Variants in TSHZ3 observed in about 807,000 individuals in gnomAD.
TSHZ3 encodes the protein teashirt homolog 3.
A neutral mutation model predicts 64.5 loss-of-function variants in TSHZ3; 10 were observed. The ratio of observed to expected loss-of-function variants is 0.16; its 90% CI spans 0.10 to 0.26. The LOEUF is 0.26. Ranked by LOEUF, TSHZ3 falls within the 10% of genes least tolerant of loss-of-function variation. TSHZ3 has a pLI of 1.00. For synonymous variants in TSHZ3, 608 were observed against 593.1 expected (o/e 1.03, Z -0.36); for missense variants, 1,242 against 1,421.7 (o/e 0.87, Z 2.03).
intron 4 of TSHZ3, among the ~76,000 whole-genome samples, chr19:31,207,996 G>A (rs1053354214): frequency 1.3e-5 from 2 of 152,124 alleles, no homozygotes; most frequent in Admixed American, 6.5e-5. Context: ...TAAGTGCAAC[G>A]AATGACTGCC....
intron 5 of TSHZ3, among the ~76,000 whole-genome samples, chr19:31,192,695 A>G (rs1224676832): frequency 3.3e-5 from 5 of 152,134 alleles, no homozygotes; most frequent in African/African-American, 7.2e-5. Flanking sequence ...TCCACCACCT[A>G]TGTAAACTGC....
intron 4 of TSHZ3, among the ~76,000 whole-genome samples, chr19:31,210,007 T>C (rs1381852562): frequency 6.6e-6 from 1 of 151,778 alleles, no homozygotes; most frequent in African/African-American, 2.4e-5. Context: ...TTGAAGGAGG[T>C]AACAAGGCAT....
chr19:31,346,855 T>TC (rs1353324143), intron 1 of TSHZ3, among the ~76,000 whole-genome samples: 1 of 151,512 alleles, frequency 6.6e-6, no homozygotes, highest in Non-Finnish European at 1.5e-5. Context: ...TTTTTTTTTT[T>TC]CTCTCCACTC....
At chr19:31,331,004 C>T (rs975209225) in intron 1 of TSHZ3, among the ~76,000 whole-genome samples, 9 of 152,324 alleles carry the variant, frequency 5.9e-5, no homozygotes, top group East Asian at 3.9e-4. Flanking sequence ...CTAGCAAAGA[C>T]GGGCTTCCTA....
At chr19:31,245,182 C>T (rs937052840) in intron 1 of TSHZ3, among the ~76,000 whole-genome samples, 5 of 152,050 alleles carry the variant, frequency 3.3e-5, no homozygotes, top group South Asian at 4.2e-4. Context: ...ATCTTACTTA[C>T]GAAAAAATGT....
At chr19:31,195,775 A>G (rs1974980701) in intron 5 of TSHZ3, 1 of 151,952 alleles carries the variant, frequency 6.6e-6, no homozygotes, top group African/African-American at 2.4e-5. Flanking sequence ...AATGTATTTG[A>G]TTATGTATGT....
At chr19:31,188,712 T>C (rs1974853354) in intron 5 of TSHZ3, among the ~76,000 whole-genome samples, 1 of 151,946 alleles carries the variant, frequency 6.6e-6, no homozygotes, top group Non-Finnish European at 1.5e-5. Flanking sequence ...GTTAAGAATG[T>C]TTGCATTTAA....
chr19:31,278,823 C>A lies in TSHZ3; in HGVS notation c.970G>T (p.Ala324Ser). 1 of 1,614,142 alleles carries A rather than the reference C, an allele frequency of 6.2e-7. No individual in the cohort carries two copies. The highest frequency in any genetic ancestry group is 1.1e-5 in the South Asian group (1 of 91,076). Residue 324 changes from alanine to serine, a missense_variant, in exon 2 of 2, where the codon GCT becomes TCT. This residue lies in a region of TSHZ3 where 555 missense variants were observed against 704.0 expected (regional missense o/e 0.79). Coordinates refer to ENST00000240587, the MANE Select transcript of TSHZ3 (RefSeq NM_020856.4). This position sits in a 1 kb window ranked among gnomAD's most constrained non-coding sequence, Gnocchi z 4.7. The stretch of plus-strand genomic sequence containing the variant: ...CTGGGGAGCTCCAGCTCCAGGGAAG[C>A]TTTCTTCCGAGTGGCAGGGATGATT... ...AKIIPATRKK[A>S]SLELELPSSP...
At chr19:31,299,540 T>C (rs1976720033) in intron 1 of TSHZ3, among the ~76,000 whole-genome samples, 1 of 152,196 alleles carries the variant, frequency 6.6e-6, no homozygotes, top group African/African-American at 2.4e-5. Flanking sequence ...GGCCGCTTTC[T>C]GGATGTAGCA....
intron 1 of TSHZ3, among the ~76,000 whole-genome samples, chr19:31,330,624 A>G (rs1404543119): frequency 6.6e-6 from 1 of 150,636 alleles, no homozygotes; most frequent in Admixed American, 6.6e-5. Flanking sequence ...GAGGCTGTTG[A>G]CCTGCTGTGT....
intron 1 of TSHZ3, among the ~76,000 whole-genome samples, chr19:31,248,653 T>C (rs1975790351): frequency 2.0e-5 from 3 of 150,356 alleles, no homozygotes; most frequent in African/African-American, 7.4e-5. Flanking sequence ...TAGCAAGGCA[T>C]AGTGGCTTGT....
upstream of TSHZ3, among the ~76,000 whole-genome samples, chr19:31,350,299 C>A (rs1468501718): frequency 6.6e-6 from 1 of 150,918 alleles, no homozygotes; most frequent in African/African-American, 2.4e-5. Context: ...AGCCACTTCC[C>A]CCAATTTTTT....
rs527410714 is a variant in TSHZ3 at position 31,230,553 on chromosome 19, T to A, written n.551-2413A>T. On this transcript the variant is annotated intron_variant and non_coding_transcript_variant, in intron 3 of 6. Coordinates refer to the TSHZ3 transcript ENST00000651361. The stretch of plus-strand genomic sequence containing the variant: ...CTTCAGGAAGCTTTTTCGGGGAAAT[T>A]CTTACAGCCAAAAACTGGGGAATTG... Among the ~76,000 whole-genome samples the A allele has an allele frequency of 1.5e-4, 23 of 152,184 alleles. 1 individual carries two copies. In the South Asian group the frequency reaches 4.8e-3, roughly 32 times the overall value.
chr19:31,233,074 G>GT, intron 3 of TSHZ3, among the ~76,000 whole-genome samples: 2 of 152,218 alleles, frequency 1.3e-5, no homozygotes, highest in South Asian at 4.2e-4. Flanking sequence ...TTTCTCTTGG[G>GT]TAAAAACAGA....
At chr19:31,255,825 G>GC (rs1341531274) in intron 1 of TSHZ3, among the ~76,000 whole-genome samples, 1 of 152,160 alleles carries the variant, frequency 6.6e-6, no homozygotes, top group African/African-American at 2.4e-5. Flanking sequence ...AACCAGGTAA[G>GC]CCCCCCCTTA....
At chr19:31,262,850 A>C (rs1975997883) in intron 1 of TSHZ3, among the ~76,000 whole-genome samples, 2 of 152,238 alleles carry the variant, frequency 1.3e-5, no homozygotes, top group African/African-American at 2.4e-5. Flanking sequence ...ATTTAAGCCA[A>C]ATAAATGTTC....
At chr19:31,323,982 A>G (rs1383990463) in intron 1 of TSHZ3, among the ~76,000 whole-genome samples, 1 of 151,558 alleles carries the variant, frequency 6.6e-6, no homozygotes, top group Admixed American at 6.6e-5. Context: ...CATTCAAGGC[A>G]TCACCGAGGG....
chr19:31,257,973 G>A (rs1056994520), intron 1 of TSHZ3, among the ~76,000 whole-genome samples: 2 of 152,210 alleles, frequency 1.3e-5, no homozygotes, highest in Admixed American at 1.3e-4. Context: ...GATTTGGGAA[G>A]TGCAAGGGAG....
At chr19:31,264,114 T>C (rs1409221255) in intron 1 of TSHZ3, among the ~76,000 whole-genome samples, 2 of 152,046 alleles carry the variant, frequency 1.3e-5, no homozygotes, top group African/African-American at 4.8e-5. Context: ...GAGGCAGGGG[T>C]ATCCAAATGG....
Sources: gnomAD v4.1 joint callset for allele counts (sites outside exome capture counted in the v4.1 genomes callset) on GRCh38, gnomAD v4.1.1 for gene constraint, gnomAD v4.1.1 regional missense constraint, Gnocchi (gnomAD v3.1) non-coding constraint, MANE v1.5 for transcripts, NCBI Gene and HGNC (gene_info 2026-07-23, HGNC 2026-07-21) for gene names.